The following SDK1 variants were observed in gnomAD, a reference collection of about 807,000 sequenced individuals.
The protein encoded by SDK1 is sidekick cell adhesion molecule 1.
A neutral mutation model predicts 245.5 loss-of-function variants in SDK1; 157 were observed. That is an observed-to-expected ratio of 0.64 (90% CI 0.56 to 0.73). The LOEUF is 0.73. Among genes scored for constraint, SDK1 ranks in the 30% least tolerant of loss-of-function variants. SDK1 has a pLI of 0.00. For missense variants in SDK1, 3,583 were observed against 3,002.3 expected (o/e 1.19, Z -4.52); for synonymous variants, 1,647 against 1,278.5 (o/e 1.29, Z -6.15).
rs143766044 is a variant in SDK1, at chr7:4,114,695, G to T, written c.3823+421G>T. On this transcript the variant is annotated intron_variant, in intron 25 of 44. Transcript: ENST00000404826. ...TAGGCCTCTAAAAGTTTAATTGCTT[G>T]AACATAATAGGAGTTTACTTCTCAC... Among the ~76,000 whole-genome samples the T allele has an allele frequency of 7.1e-3, 1,086 of 152,248 alleles. 37 individuals are homozygous for T. Among genetic ancestry groups the T allele is most frequent in the East Asian group, 9.5e-3 (49 of 5,170 alleles).
chr7:3,828,848 AG>A lies in SDK1; in HGVS notation c.847+7266del, dbSNP rs1156838834. ...TTAATTTCTTTTTTTTTGTAGAGAC[AG>A]TCTGGCTATGTTACCCAGGCTGGTC... On this transcript the variant is annotated intron_variant, in intron 5 of 44. Transcript: ENST00000404826. 2.6e-5 allele frequency among the ~76,000 whole-genome samples: 4 copies of A among 151,794 alleles called. No individual in the cohort carries two copies. In the East Asian group the frequency reaches 7.8e-4, roughly 29 times the overall value.
intron 1 of SDK1, among the ~76,000 whole-genome samples, chr7:3,346,662 GTTTCT>G (rs1364712939): frequency 3.2e-5 from 3 of 92,566 alleles, no homozygotes; most frequent in African/African-American, 1.6e-4. Context: ...GGCTAATTTA[GTTTCT>G]TTTTTTTTTT....
intron 26 of SDK1, among the ~76,000 whole-genome samples, chr7:4,128,782 T>G (rs113438652): frequency 2.6e-3 from 192 of 74,194 alleles, no homozygotes; most frequent in Non-Finnish European, 3.3e-3. Flanking sequence ...AGCTTAGGGT[T>G]GGGTGCCCTG....
chr7:3,372,551 G>C (rs1781253782), intron 1 of SDK1, among the ~76,000 whole-genome samples: 1 of 152,140 alleles, frequency 6.6e-6, no homozygotes, highest in African/African-American at 2.4e-5. Context: ...AATACCTCAG[G>C]AGGGCAGAGC....
At chr7:3,672,759 T>TTATATATATATATA (rs60760676) in intron 4 of SDK1, among the ~76,000 whole-genome samples, 21 of 50,740 alleles carry the variant, frequency 4.1e-4, no homozygotes, top group South Asian at 7.1e-4. Flanking sequence ...ATATATAATT[T>TTATATATATATATA]TATATATATA....
At chr7:4,229,117 G>A (rs1331456883) in intron 40 of SDK1, among the ~76,000 whole-genome samples, 2 of 152,140 alleles carry the variant, frequency 1.3e-5, no homozygotes, top group South Asian at 2.1e-4. Flanking sequence ...CCCCTAATTT[G>A]TAGAGATACT....
chr7:3,750,144 A>T (rs111946915), intron 4 of SDK1, among the ~76,000 whole-genome samples: 1 of 152,242 alleles, frequency 6.6e-6, no homozygotes. Flanking sequence ...GACTGGTTCA[A>T]TTAAAAATCA....
intron 19 of SDK1, among the ~76,000 whole-genome samples, chr7:4,056,073 A>G (rs546349205): frequency 1.3e-5 from 2 of 152,188 alleles, no homozygotes; most frequent in East Asian, 1.9e-4. Context: ...TGAATGTTCA[A>G]TGAATGATTT....
chr7:3,453,902 C>T (rs758128719), intron 1 of SDK1, among the ~76,000 whole-genome samples: 15 of 152,154 alleles, frequency 9.9e-5, no homozygotes, highest in South Asian at 2.1e-4. Flanking sequence ...TATTTCCTCC[C>T]GGCACATTTG....
chr7:3,719,366 A>C (rs978445305), intron 4 of SDK1, among the ~76,000 whole-genome samples: 2 of 152,014 alleles, frequency 1.3e-5, no homozygotes, highest in Non-Finnish European at 2.9e-5. Context: ...AAAAAGTAGG[A>C]GGAATCATTG....
At position 4,086,720 on chromosome 7, in the gene SDK1, G is replaced by A. The variant is rs141267557; in HGVS notation, c.3324+7136G>A. Reference sequence around the variant, plus strand: ...TATTCACCTGGATAACCTCCCTGATGTAAGGTTCTTACCCTTAATCACATC... The same window carrying A: ...TATTCACCTGGATAACCTCCCTGATATAAGGTTCTTACCCTTAATCACATC... On this transcript the variant is annotated intron_variant, in intron 22 of 44. Coordinates refer to ENST00000404826, the MANE Select transcript of SDK1 (RefSeq NM_152744.4). Among the ~76,000 whole-genome samples the A allele has an allele frequency of 6.7e-3, 1,016 of 152,172 alleles. 12 individuals carry two copies. The highest frequency in any genetic ancestry group is 0.012 in the African/African-American group (490 of 41,494).
intron 22 of SDK1, among the ~76,000 whole-genome samples, chr7:4,096,237 C>T (rs774442749): frequency 3.3e-5 from 5 of 152,214 alleles, no homozygotes; most frequent in Non-Finnish European, 7.3e-5. Context: ...GCCAGCATTC[C>T]GTCTGGAACC....
intron 28 of SDK1, among the ~76,000 whole-genome samples, chr7:4,145,445 C>T (rs1001551789): frequency 6.6e-6 from 1 of 152,148 alleles, no homozygotes; most frequent in African/African-American, 2.4e-5. Context: ...CTGTGGCATG[C>T]TCGCCTCGTG....
chr7:4,012,259 C>G (rs1362959386), intron 16 of SDK1, 24 bp downstream of exon 16: 5 of 1,459,428 alleles, frequency 3.4e-6, no homozygotes, highest in Non-Finnish European at 4.5e-6. Flanking sequence ...GATTGGCCAT[C>G]TTTAGGCCGC....
At chr7:3,499,959 T>C (rs1455967656) in intron 1 of SDK1, among the ~76,000 whole-genome samples, 1 of 152,122 alleles carries the variant, frequency 6.6e-6, no homozygotes, top group Non-Finnish European at 1.5e-5. Flanking sequence ...GATAGTGACA[T>C]CAAGGCAGGG....
intron 1 of SDK1, among the ~76,000 whole-genome samples, chr7:3,398,961 T>C (rs750903302): frequency 1.3e-5 from 2 of 152,090 alleles, no homozygotes; most frequent in Non-Finnish European, 2.9e-5. Flanking sequence ...GAATTGTCCA[T>C]GTTCAAGTTT....
intron 1 of SDK1, among the ~76,000 whole-genome samples, chr7:3,510,550 C>G (rs971920342): frequency 6.6e-6 from 1 of 152,080 alleles, no homozygotes; most frequent in African/African-American, 2.4e-5. Context: ...AAATGAGGAA[C>G]AGAAACTTCT....
chr7:3,812,916 C>T (rs1281483428), intron 4 of SDK1, among the ~76,000 whole-genome samples: 3 of 152,090 alleles, frequency 2.0e-5, no homozygotes, highest in Admixed American at 6.5e-5. Context: ...TTTGAAATCA[C>T]GAGAAACAGG....
In SDK1 at chr7:3,718,519, CTCAATAAATAAATAAATAAATAAATAAA is replaced by C. The variant is rs1348639471; in HGVS notation, c.713+76416_713+76443del. Among the ~76,000 whole-genome samples, 366 of 131,808 alleles carry C rather than the reference CTCAATAAATAAATAAATAAATAAATAAA, an allele frequency of 2.8e-3. 3 individuals are homozygous for C. Among genetic ancestry groups the C allele is most frequent in the African/African-American group, 0.01 (361 of 34,690 alleles). The allele number at this position is 131,808 out of a possible 152,430, so 86.5% of individuals were successfully genotyped here. ...CCTGGGTGACAAAGCAAAACTGTAT[CTCAATAAATAAATAAATAAATAAATAAA>C]TAAATAAATAAATAAATAAATAAAT... On this transcript the variant is annotated intron_variant, in intron 4 of 44. Transcript: ENST00000404826.
Sources: gnomAD v4.1 joint callset for allele counts (sites outside exome capture counted in the v4.1 genomes callset) on GRCh38, gnomAD v4.1.1 for gene constraint, MANE v1.5 for transcripts, NCBI Gene and HGNC (gene_info 2026-07-23, HGNC 2026-07-21) for gene names.